FRYL: variants seen among roughly 807,000 people sequenced by gnomAD.
The protein encoded by FRYL is protein furry homolog-like.
FRYL carries 150 observed loss-of-function variants against 351.2 expected under a neutral mutation model. The ratio of observed to expected loss-of-function variants is 0.43; its 90% CI spans 0.37 to 0.49. The LOEUF is 0.49. FRYL is among the 20% of genes least tolerant of loss of function. FRYL has a pLI of 0.00. For synonymous variants in FRYL, 1,153 were observed against 1,257.1 expected, an observed-to-expected ratio of 0.92 and a Z score of 1.75; for missense variants, 3,036 against 3,619.3, an observed-to-expected ratio of 0.84 and a Z score of 4.13.
intron 13 of FRYL, among the ~76,000 whole-genome samples, chr4:48,597,820 G>C (rs1029126295): frequency 6.6e-6 from 1 of 152,040 alleles, no homozygotes; most frequent in African/African-American, 2.4e-5. Context: ...TGGCATTCAC[G>C]CAATGACCAA....
At chr4:48,663,774 CAAAAA>C (rs71191251) in intron 3 of FRYL, among the ~76,000 whole-genome samples, 5 of 70,104 alleles carry the variant, frequency 7.1e-5, no homozygotes, top group African/African-American at 2.0e-4. Flanking sequence ...GACTCCGTCT[CAAAAA>C]AAAAAAAAAA....
At chr4:48,543,270 T>G (rs1238642611) in intron 44 of FRYL, among the ~76,000 whole-genome samples, 1 of 152,220 alleles carries the variant, frequency 6.6e-6, no homozygotes, top group Non-Finnish European at 1.5e-5. Context: ...TCTTATTATA[T>G]TCACAGCATT....
intron 3 of FRYL, among the ~76,000 whole-genome samples, chr4:48,664,754 C>T (rs906486935): frequency 2.6e-5 from 4 of 152,112 alleles, no homozygotes; most frequent in African/African-American, 9.7e-5. Context: ...AATAACCACA[C>T]TTAATGAATT....
chr4:48,710,105 T>C (rs1482181136), intron 2 of FRYL, among the ~76,000 whole-genome samples: 1 of 152,216 alleles, frequency 6.6e-6, no homozygotes, highest in African/African-American at 2.4e-5. Flanking sequence ...AGTGCTATGC[T>C]ATAAAAAGAA....
intron 4 of FRYL, among the ~76,000 whole-genome samples, chr4:48,632,055 CAAAAAAAAAAAAAAAAA>C (rs71660455): frequency 3.5e-4 from 8 of 22,594 alleles, no homozygotes; most frequent in South Asian, 3.0e-3. Context: ...CCTGTCTCTC[CAAAAAAAAAAAAAAAAA>C]AAAAAAAAAA....
chr4:48,538,885 C>T (rs903078367), intron 47 of FRYL, among the ~76,000 whole-genome samples: 2 of 151,880 alleles, frequency 1.3e-5, no homozygotes, highest in African/African-American at 4.8e-5. Context: ...TTTTTTCCTC[C>T]AGACTCAATG....
At chr4:48,774,605 G>T (rs1285959447) in intron 1 of FRYL, among the ~76,000 whole-genome samples, 1 of 151,824 alleles carries the variant, frequency 6.6e-6, no homozygotes, top group Non-Finnish European at 1.5e-5. Context: ...GAGCACAGTG[G>T]CGTGATCTCG....
intron 2 of FRYL, among the ~76,000 whole-genome samples, chr4:48,702,226 C>G (rs1239802293): frequency 6.6e-6 from 1 of 151,614 alleles, no homozygotes; most frequent in Admixed American, 6.6e-5. Flanking sequence ...GAGGCTGAGG[C>G]GGGCGGATCA....
chr4:48,556,885 C>T (rs1370275976), intron 35 of FRYL, 93 bp downstream of exon 35: 3 of 1,189,008 alleles, frequency 2.5e-6, no homozygotes, highest in Admixed American at 2.3e-5. Flanking sequence ...CTTGCCTTGC[C>T]TCTCCTGGGC....
chr4:48,703,474 C>T (rs1227114005), intron 2 of FRYL, among the ~76,000 whole-genome samples: 1 of 152,194 alleles, frequency 6.6e-6, no homozygotes, highest in African/African-American at 2.4e-5. Context: ...TCTCAGGCCC[C>T]TCAATCCCTT....
chr4:48,741,271 C>T (rs1772029686), intron 1 of FRYL, among the ~76,000 whole-genome samples: 1 of 152,118 alleles, frequency 6.6e-6, no homozygotes, highest in Non-Finnish European at 1.5e-5. Context: ...TGACCAGGCA[C>T]TGTGGCTCAT....
rs539341974 is a variant in FRYL at position 48,609,866 on chromosome 4, T to G, written c.412-43A>C. ...TATCAAGTAAGAGTTAAATTATTGGTTTTTTATGAGTATTCTCATCAATTC... is the reference window on the plus strand; with the variant it reads ...TATCAAGTAAGAGTTAAATTATTGGGTTTTTATGAGTATTCTCATCAATTC... On this transcript the variant is annotated intron_variant, in intron 7 of 63. Coordinates refer to ENST00000358350, the MANE Select transcript of FRYL (RefSeq NM_015030.2). The G allele has an allele frequency of 4.7e-6, 5 of 1,058,232 alleles. No individual in the cohort carries two copies. The East Asian group carries it at 1.0e-4, about 22-fold the overall frequency. 65.6% of individuals were successfully genotyped at this position (1,058,232 alleles called of 1,614,324 possible). A position where few individuals can be genotyped will look rare whatever the true frequency, so the allele number is the denominator to read the frequency against.
chr4:48,742,075 G>C (rs879299824), intron 1 of FRYL, among the ~76,000 whole-genome samples: 3 of 152,172 alleles, frequency 2.0e-5, no homozygotes, highest in Admixed American at 1.3e-4. Context: ...TACCCCCCTG[G>C]AGGGGTATGT....
intron 7 of FRYL, among the ~76,000 whole-genome samples, chr4:48,614,409 G>A (rs1748907163): frequency 1.3e-5 from 2 of 152,048 alleles, no homozygotes; most frequent in Non-Finnish European, 2.9e-5. Flanking sequence ...ACTTCAATAT[G>A]CAAGAAAATC....
intron 1 of FRYL, among the ~76,000 whole-genome samples, chr4:48,741,867 G>A (rs559282216): frequency 2.4e-4 from 36 of 152,296 alleles, no homozygotes; most frequent in African/African-American, 8.7e-4. Flanking sequence ...TTGCAGGAGG[G>A]ATGAGGGATA....
intron 23 of FRYL, among the ~76,000 whole-genome samples, chr4:48,577,321 G>GA (rs1739836353): frequency 6.6e-6 from 1 of 152,122 alleles, no homozygotes; most frequent in Non-Finnish European, 1.5e-5. Context: ...AGAGCAAAAC[G>GA]AAAGAGGAAA....
At chr4:48,653,855 C>T (rs1350335068) in intron 3 of FRYL, 141 of 1,286,542 alleles carry the variant, frequency 1.1e-4, no homozygotes, top group East Asian at 5.0e-4. Flanking sequence ...GCAGCAGCAG[C>T]GGTTTTGCCG....
At chr4:48,644,059 T>G (rs1328120531) in intron 3 of FRYL, among the ~76,000 whole-genome samples, 3 of 152,168 alleles carry the variant, frequency 2.0e-5, no homozygotes, top group Non-Finnish European at 4.4e-5. Flanking sequence ...TTCTTCTGCC[T>G]CAGCCTCCCA....
In FRYL at chr4:48,649,897, CTATTA is replaced by C. The variant is rs1757275798; in HGVS notation, c.-80-15412_-80-15408del. 3.3e-5 allele frequency among the ~76,000 whole-genome samples: 5 copies of C among 152,254 alleles called. No homozygotes were observed. In the South Asian group the frequency reaches 1.0e-3, roughly 32 times the overall value. On this transcript the variant is annotated intron_variant, in intron 3 of 63. Transcript: ENST00000358350. Reference sequence around the variant, plus strand: ...AAATGCATCTTATAAATAAGAAACACTATTATAATTAATGATGAACTATAATAATA... The same window carrying C: ...AAATGCATCTTATAAATAAGAAACACTAATTAATGATGAACTATAATAATA...
Sources: gnomAD v4.1 joint callset for allele counts (sites outside exome capture counted in the v4.1 genomes callset) on GRCh38, gnomAD v4.1.1 for gene constraint, MANE v1.5 for transcripts, NCBI Gene and HGNC (gene_info 2026-07-23, HGNC 2026-07-21) for gene names.